CDC73: variants seen among roughly 807,000 people sequenced by gnomAD.
CDC73 encodes parafibromin.
In CDC73, 21 loss-of-function variants were observed where a neutral mutation model predicts 83.7. The ratio of observed to expected loss-of-function variants is 0.25; its 90% CI spans 0.18 to 0.36. The LOEUF is 0.36. Ranked by LOEUF, CDC73 falls within the 10% of genes least tolerant of loss-of-function variation. The pLI is 1.00. For missense variants in CDC73, 342 were observed against 653.3 expected (o/e 0.52, Z 5.19); for synonymous variants, 224 against 212.9 (o/e 1.05, Z -0.45).
intron 10 of CDC73, among the ~76,000 whole-genome samples, chr1:193,171,951 A>G (rs1676524107): frequency 6.6e-6 from 1 of 152,170 alleles, no homozygotes. Flanking sequence ...GTTTTGAGAC[A>G]GAGTCTTTCT....
intron 11 of CDC73, among the ~76,000 whole-genome samples, chr1:193,204,287 A>T (rs61388883): frequency 0.62 from 82,444 of 133,458 alleles, 25,310 homozygotes; most frequent in South Asian, 0.73. Context: ...GTATATATAT[A>T]TTTTTTTTTT....
intron 13 of CDC73, among the ~76,000 whole-genome samples, chr1:193,216,703 A>G (rs539588959): frequency 1.3e-5 from 2 of 152,294 alleles, no homozygotes; most frequent in South Asian, 4.1e-4. Context: ...TCAACAAAGT[A>G]TTAGAAAATC....
rs899606232 is a variant in CDC73 at position 193,128,525 on chromosome 1, G to A, written c.238-1649G>A. Among the ~76,000 whole-genome samples the A allele has an allele frequency of 6.6e-5, 10 of 151,784 alleles. No individual in the cohort carries two copies. In the East Asian group the frequency reaches 1.6e-3, roughly 24 times the overall value. ...TTTCCATGTTGCTCAGGCTGGTCTCGAACTCCTGGGCTCCAGCAATCCACC... is the reference window on the plus strand; with the variant it reads ...TTTCCATGTTGCTCAGGCTGGTCTCAAACTCCTGGGCTCCAGCAATCCACC... On this transcript the variant is annotated intron_variant, in intron 2 of 16. Transcript: ENST00000367435.
rs564579512 is a variant in CDC73 at position 193,129,805 on chromosome 1, G to A, written c.238-369G>A. 3.3e-5 allele frequency among the ~76,000 whole-genome samples: 5 copies of A among 152,098 alleles called. No homozygotes were observed. In the South Asian group the frequency reaches 6.2e-4, roughly 19 times the overall value. ...TGGGATTCTAGGTGTGAGCCACCGC[G>A]CCCAGCCAAGAAAATTATTAAAAGT... On this transcript the variant is annotated intron_variant, in intron 2 of 16. Coordinates refer to ENST00000367435, the MANE Select transcript of CDC73 (RefSeq NM_024529.5).
intron 13 of CDC73, among the ~76,000 whole-genome samples, chr1:193,225,320 A>C (rs1399725802): frequency 1.3e-5 from 2 of 151,462 alleles, no homozygotes; most frequent in African/African-American, 4.9e-5. Flanking sequence ...ATGGGCATTT[A>C]GGTTGGTTCC....
intron 11 of CDC73, among the ~76,000 whole-genome samples, chr1:193,210,006 A>G (rs1312712385): frequency 5.9e-5 from 9 of 152,182 alleles, no homozygotes; most frequent in Non-Finnish European, 1.3e-4. Context: ...ATATTTACCG[A>G]GACTATATTA....
intron 7 of CDC73, among the ~76,000 whole-genome samples, chr1:193,146,870 ATAG>A (rs1438643570): frequency 1.3e-5 from 2 of 152,208 alleles, no homozygotes; most frequent in Admixed American, 6.5e-5. Context: ...TTGACTTCTG[ATAG>A]TATCTCAAAA....
chr1:193,162,454 C>T (rs1437351503), intron 10 of CDC73, among the ~76,000 whole-genome samples: 1 of 149,552 alleles, frequency 6.7e-6, no homozygotes, highest in Non-Finnish European at 1.5e-5. Flanking sequence ...CTCACTGCAG[C>T]CTCTGCCTCC....
chr1:193,162,649 G>A (rs1400293289), intron 10 of CDC73, among the ~76,000 whole-genome samples: 6 of 151,960 alleles, frequency 3.9e-5, no homozygotes, highest in South Asian at 2.1e-4. Context: ...GATTACAGGC[G>A]TGAGCCACCA....
At chr1:193,243,227 A>G (rs1301585834) in intron 15 of CDC73, among the ~76,000 whole-genome samples, 1 of 152,122 alleles carries the variant, frequency 6.6e-6, no homozygotes, top group African/African-American at 2.4e-5. Flanking sequence ...GGCGTGAGCC[A>G]CCGTGCCCAG....
At chr1:193,160,520 A>G (rs1676290237) in intron 10 of CDC73, among the ~76,000 whole-genome samples, 1 of 152,066 alleles carries the variant, frequency 6.6e-6, no homozygotes, top group African/African-American at 2.4e-5. Context: ...TCAGAATTGC[A>G]CAAAGATTTT....
intron 8 of CDC73, among the ~76,000 whole-genome samples, chr1:193,148,797 AC>A (rs1676054157): frequency 6.6e-6 from 1 of 151,438 alleles, no homozygotes; most frequent in African/African-American, 2.4e-5. Flanking sequence ...GGCGCATGCC[AC>A]CCCACCCAGC....
At chr1:193,137,703 T>A (rs916298337) in intron 5 of CDC73, among the ~76,000 whole-genome samples, 9 of 152,032 alleles carry the variant, frequency 5.9e-5, no homozygotes, top group Non-Finnish European at 1.2e-4. Context: ...GAAAAAAAAA[T>A]GGAGATACCA....
chr1:193,230,557 C>T (rs1011510342), intron 13 of CDC73, among the ~76,000 whole-genome samples: 1 of 146,842 alleles, frequency 6.8e-6, no homozygotes, highest in Non-Finnish European at 1.5e-5. Flanking sequence ...CCTATTTTGC[C>T]TGAGATACAT....
intron 10 of CDC73, among the ~76,000 whole-genome samples, chr1:193,172,167 C>T (rs1353756007): frequency 6.6e-6 from 1 of 151,274 alleles, no homozygotes; most frequent in South Asian, 2.1e-4. Flanking sequence ...TCAAGTGATT[C>T]ACCCACCTCG....
intron 13 of CDC73, among the ~76,000 whole-genome samples, chr1:193,220,182 T>G (rs976823375): frequency 3.0e-3 from 439 of 148,232 alleles, no homozygotes; most frequent in Non-Finnish European, 4.7e-3. Context: ...TTTTTTTTTT[T>G]TTGAGACGGA....
chr1:193,178,813 A>C (rs539380780), intron 10 of CDC73, among the ~76,000 whole-genome samples: 3 of 152,206 alleles, frequency 2.0e-5, no homozygotes, highest in African/African-American at 7.2e-5. Flanking sequence ...AGTGTTTTCA[A>C]GTTTCACAAA....
chr1:193,244,576 G>C (rs890699263), intron 15 of CDC73, among the ~76,000 whole-genome samples: 1 of 152,126 alleles, frequency 6.6e-6, no homozygotes, highest in African/African-American at 2.4e-5. Context: ...AACAAACAAA[G>C]TAGCAAGTGT....
chr1:193,150,245 C>A, intron 8 of CDC73, 59 bp from the exon 9 acceptor site: 1 of 1,237,832 alleles, frequency 8.1e-7, no homozygotes, highest in Non-Finnish European at 1.2e-6. Context: ...CACTCCAGCA[C>A]ATTAAATAAG....
Sources: allele counts gnomAD v4.1 joint callset (sites outside exome capture counted in the v4.1 genomes callset), GRCh38; gene constraint gnomAD v4.1.1; transcripts MANE v1.5; gene names NCBI Gene and HGNC (gene_info 2026-07-23, HGNC 2026-07-21).